The following ZMIZ1 variants were observed in gnomAD, a reference collection of about 807,000 sequenced individuals.
ZMIZ1 encodes the protein zinc finger MIZ domain-containing protein 1.
Under a neutral mutation model 113.9 loss-of-function variants are expected in ZMIZ1, and 17 were observed. The observed-to-expected ratio is 0.15, with a 90% CI of 0.10 to 0.22. The LOEUF is 0.22. Ranked by LOEUF, ZMIZ1 falls within the 10% of genes least tolerant of loss-of-function variation. The probability of loss-of-function intolerance (pLI) is 1.00; values close to 1 mark genes in which losing one functional copy is unlikely to be tolerated. For missense variants in ZMIZ1, 1,059 were observed against 1,477.8 expected, an observed-to-expected ratio of 0.72 and a Z score of 4.65; for synonymous variants, 607 against 603.1, an observed-to-expected ratio of 1.01 and a Z score of -0.09.
intron 1 of ZMIZ1, among the ~76,000 whole-genome samples, chr10:79,114,126 C>T (rs11002825): frequency 6.6e-6 from 1 of 152,124 alleles, no homozygotes; most frequent in Non-Finnish European, 1.5e-5. Context: ...TTCTATCCAG[C>T]GGCAGACTTC....
At chr10:79,148,129 T>G (rs887398446) in intron 3 of ZMIZ1, among the ~76,000 whole-genome samples, 1 of 150,488 alleles carries the variant, frequency 6.6e-6, no homozygotes, top group African/African-American at 2.4e-5. Flanking sequence ...TCCTCCCTGC[T>G]TCTTCCCTCT....
intron 11 of ZMIZ1, 42 bp from the exon 12 acceptor site, chr10:79,293,337 CTT>C (rs546883130): frequency 2.2e-6 from 3 of 1,350,380 alleles, no homozygotes; most frequent in African/African-American, 1.5e-5. Flanking sequence ...GCATTTTATT[CTT>C]TTTTTTTTCT....
chr10:79,175,673 C>T (rs1166962055), intron 4 of ZMIZ1, among the ~76,000 whole-genome samples: 1 of 151,136 alleles, frequency 6.6e-6, no homozygotes, highest in Non-Finnish European at 1.5e-5. Flanking sequence ...TCCCCCTGGC[C>T]ACCACACCCT....
At chr10:79,266,518 C>A (rs780807970) in intron 7 of ZMIZ1, among the ~76,000 whole-genome samples, 5 of 152,160 alleles carry the variant, frequency 3.3e-5, no homozygotes, top group African/African-American at 1.2e-4. Flanking sequence ...TCCCACGGCC[C>A]GGTTAGATCC....
chr10:79,144,104 G>A (rs1012766896), intron 3 of ZMIZ1, among the ~76,000 whole-genome samples: 2 of 152,172 alleles, frequency 1.3e-5, no homozygotes, highest in South Asian at 2.1e-4. Flanking sequence ...TGTGCCCGGC[G>A]GAGGGGACGA....
At chr10:79,223,829 T>TC (rs1849091256) in intron 7 of ZMIZ1, among the ~76,000 whole-genome samples, 1 of 151,994 alleles carries the variant, frequency 6.6e-6, no homozygotes, top group Non-Finnish European at 1.5e-5. Context: ...CTCCGTCCCC[T>TC]CCCCCACCTC....
In ZMIZ1 at chr10:79,300,862, T is replaced by A. The variant is rs1311209844; in HGVS notation, c.1939T>A (p.Ser647Thr). Reference sequence around the variant, plus strand: ...CATTGAGCGCGGCGACAACAAGACCTCCCACAAGCCCCTGCACCTGAAGCA... The same window carrying A: ...CATTGAGCGCGGCGACAACAAGACCACCCACAAGCCCCTGCACCTGAAGCA... ...LTIERGDNKT[S>T]HKPLHLKHVC... Residue 647 changes from serine to threonine, a missense_variant, in exon 17 of 25, where the codon TCC becomes ACC. Transcript: ENST00000334512. 1 of 1,613,258 alleles carries A rather than the reference T, an allele frequency of 6.2e-7. No individual in the cohort carries two copies. The highest frequency in any genetic ancestry group is 1.1e-5 in the South Asian group (1 of 91,068).
At chr10:79,291,605 CAG>C (rs1444622477) in intron 10 of ZMIZ1, among the ~76,000 whole-genome samples, 1 of 152,370 alleles carries the variant, frequency 6.6e-6, no homozygotes, top group East Asian at 1.9e-4. Flanking sequence ...CAGAACTATG[CAG>C]AGACTGCGAG....
intron 7 of ZMIZ1, among the ~76,000 whole-genome samples, chr10:79,267,327 G>A (rs1460271694): frequency 6.6e-6 from 1 of 152,220 alleles, no homozygotes; most frequent in East Asian, 1.9e-4. Context: ...GGAGATGGGT[G>A]AAAGAAATTG....
chr10:79,213,049 C>T lies in ZMIZ1; in HGVS notation c.175-3120C>T, dbSNP rs1848585438. Among the ~76,000 whole-genome samples the T allele has an allele frequency of 2.0e-5, 3 of 152,034 alleles. 1 individual carries two copies. The highest frequency in any genetic ancestry group is 2.1e-4 in the South Asian group (1 of 4,814). On this transcript the variant is annotated intron_variant, in intron 6 of 24. Transcript: ENST00000334512. The stretch of plus-strand genomic sequence containing the variant: ...GCCTCAGGAGTGCTTCCCCCTGCCA[C>T]CCCCACCCCGCCACCGTGGGTCAAG...
chr10:79,157,560 C>A (rs1845949868), intron 3 of ZMIZ1, among the ~76,000 whole-genome samples: 1 of 152,016 alleles, frequency 6.6e-6, no homozygotes, highest in South Asian at 2.1e-4. Context: ...TCCAGAGCAC[C>A]CTGGAGCCTC....
chr10:79,243,321 G>T (rs1037410888), intron 7 of ZMIZ1, among the ~76,000 whole-genome samples: 1 of 150,196 alleles, frequency 6.7e-6, no homozygotes, highest in East Asian at 1.9e-4. Context: ...TGTCGCTTGC[G>T]CCCGGGCGCG....
chr10:79,279,256 C>T (rs960577197), intron 8 of ZMIZ1, among the ~76,000 whole-genome samples: 2 of 151,162 alleles, frequency 1.3e-5, no homozygotes, highest in South Asian at 2.1e-4. Context: ...ACTGGGCGGC[C>T]GGTCAGAGAC....
chr10:79,130,976 GCA>G (rs1844738629), intron 2 of ZMIZ1, among the ~76,000 whole-genome samples: 1 of 152,078 alleles, frequency 6.6e-6, no homozygotes, highest in African/African-American at 2.4e-5. Flanking sequence ...TCCTGCTCTA[GCA>G]TCCCGCTGCA....
chr10:79,106,208 C>T (rs987344355), intron 1 of ZMIZ1, among the ~76,000 whole-genome samples: 2 of 152,250 alleles, frequency 1.3e-5, no homozygotes, highest in African/African-American at 4.8e-5. Context: ...CACCATCTGG[C>T]TGCTCTCTCC....
intron 7 of ZMIZ1, among the ~76,000 whole-genome samples, chr10:79,249,302 C>T (rs554425425): frequency 3.3e-5 from 5 of 152,350 alleles, no homozygotes; most frequent in Non-Finnish European, 2.9e-5. Context: ...TCAGTAGCTT[C>T]CTGTCATCCC....
In ZMIZ1 at chr10:79,271,227, A is replaced by G. The variant is rs555242207; in HGVS notation, c.281-5954A>G. Among the ~76,000 whole-genome samples, 4 of 152,300 alleles carry G rather than the reference A, an allele frequency of 2.6e-5. No homozygotes were observed. In the South Asian group the frequency reaches 8.3e-4, roughly 32 times the overall value. ...CAGGCCCTTTGTCTCACCCTCTGCT[A>G]TGTGATCAGAAGCAGAGATGCAAAG... On this transcript the variant is annotated intron_variant, in intron 7 of 24. Transcript: ENST00000334512.
chr10:79,292,049 C>G, intron 10 of ZMIZ1, 109 bp from the exon 11 acceptor site: 1 of 1,119,506 alleles, frequency 8.9e-7, no homozygotes, highest in Non-Finnish European at 1.3e-6. Flanking sequence ...GCCCCGTCCC[C>G]TCTAGGTTCT....
chr10:79,169,896 C>T (rs1477653497), intron 4 of ZMIZ1, among the ~76,000 whole-genome samples: 2 of 152,252 alleles, frequency 1.3e-5, no homozygotes, highest in Non-Finnish European at 2.9e-5. Context: ...CAAACAGGAG[C>T]ATCTGCTTGA....
Sources: allele counts gnomAD v4.1 joint callset (sites outside exome capture counted in the v4.1 genomes callset), GRCh38; gene constraint gnomAD v4.1.1; transcripts MANE v1.5; gene names NCBI Gene and HGNC (gene_info 2026-07-23, HGNC 2026-07-21).